CCDC30: variants seen among roughly 807,000 people sequenced by gnomAD.
CCDC30 encodes coiled-coil domain-containing protein 30.
A neutral mutation model predicts 100.2 loss-of-function variants in CCDC30; 70 were observed. The observed-to-expected ratio is 0.70, with a 90% CI of 0.58 to 0.85. The LOEUF is 0.85. Ranked by LOEUF, CCDC30 falls within the 40% of genes least tolerant of loss-of-function variation. CCDC30 has a pLI of 0.00. For missense variants in CCDC30, 652 were observed against 771.2 expected, an observed-to-expected ratio of 0.85 and a Z score of 1.83; for synonymous variants, 233 against 269.5, an observed-to-expected ratio of 0.86 and a Z score of 1.33.
chr1:42,556,471 C>A, intron 6 of CCDC30, 66 bp downstream of exon 10: 4 of 1,463,822 alleles, frequency 2.7e-6, no homozygotes, highest in Non-Finnish European at 3.7e-6. Flanking sequence ...ATATAAGCAT[C>A]ATTTTAAATA....
At chr1:42,497,197 A>G (rs1230257000) in exon 5 of CCDC30, 2 of 1,233,314 alleles carry the variant, frequency 1.6e-6, no homozygotes, top group Middle Eastern at 2.1e-4. Context: ...TCAGAAAAAA[A>G]GGTGCTTGGT....
intron 6 of CCDC30, among the ~76,000 whole-genome samples, chr1:42,539,854 C>T (rs947507503): frequency 1.8e-4 from 27 of 151,468 alleles, no homozygotes; most frequent in African/African-American, 6.6e-4. Flanking sequence ...CTGTAGTGTG[C>T]TGTGATTGTG....
intron 1 of CCDC30, among the ~76,000 whole-genome samples, chr1:42,479,416 A>G (rs1643922792): frequency 6.6e-6 from 1 of 152,152 alleles, no homozygotes; most frequent in Admixed American, 6.5e-5. Context: ...ATAGATCTAT[A>G]GATCAATGGA....
chr1:42,545,294 C>T, intron 6 of CCDC30, 116 bp from the exon 9 acceptor site: 1 of 728,642 alleles, frequency 1.4e-6, no homozygotes, highest in East Asian at 3.6e-5. Context: ...ATTAGGATGT[C>T]ATTTTATATT....
intron 4 of CCDC30, among the ~76,000 whole-genome samples, chr1:42,490,799 G>A (rs72952283): frequency 0.013 from 2,030 of 152,150 alleles, 44 homozygotes; most frequent in African/African-American, 0.047. Flanking sequence ...ATCAGAGCTG[G>A]TATTTGAATC....
exon 13 of CCDC30, chr1:42,642,499 T>G (rs1294100736): frequency 6.3e-7 from 1 of 1,594,888 alleles, no homozygotes; most frequent in African/African-American, 1.3e-5. Flanking sequence ...ACCAGATCAC[T>G]GCCCAAAATG....
At chr1:42,591,729 C>T (rs1646190256) in intron 10 of CCDC30, 1 of 152,332 alleles carries the variant, frequency 6.6e-6, no homozygotes, top group Admixed American at 6.5e-5. Flanking sequence ...GCCCTCCAGA[C>T]TCCAGAATGG....
At chr1:42,539,677 A>C (rs1181521163) in intron 6 of CCDC30, among the ~76,000 whole-genome samples, 1 of 152,156 alleles carries the variant, frequency 6.6e-6, no homozygotes, top group Non-Finnish European at 1.5e-5. Context: ...GATTTATTTA[A>C]ATGTCTTCAA....
At chr1:42,621,559 T>C (rs996672561) in intron 11 of CCDC30, among the ~76,000 whole-genome samples, 1 of 151,786 alleles carries the variant, frequency 6.6e-6, no homozygotes, top group Admixed American at 6.6e-5. Flanking sequence ...TGGTCTAGGC[T>C]GGAGTGCAGT....
intron 12 of CCDC30, 122 bp from the exon 17 acceptor site, chr1:42,642,350 TA>T (rs1457250213): frequency 7.9e-6 from 6 of 756,590 alleles, no homozygotes; most frequent in African/African-American, 3.6e-5. Context: ...AGAAACAGAC[TA>T]GGGGACAGGA....
intron 6 of CCDC30, among the ~76,000 whole-genome samples, chr1:42,545,186 A>AAAAAAT (rs760685126): frequency 0.031 from 3,894 of 125,908 alleles, 166 homozygotes; most frequent in Middle Eastern, 0.071. Flanking sequence ...AAAAAAAAAA[A>AAAAAAT]AAGGGAATTT....
rs138555229 is a variant in CCDC30 at position 42,514,715 on chromosome 1, G to A, written c.456+15799G>A. On this transcript the variant is annotated intron_variant, in intron 6 of 16. Coordinates refer to ENST00000668663, the Ensembl canonical transcript of CCDC30. The stretch of plus-strand genomic sequence containing the variant: ...GTCGCCCAGGCTGGAGTGCAATGGC[G>A]AGATCTCAGCTCACTGCAACCTCAG... Among the ~76,000 whole-genome samples, 420 of 152,202 alleles carry A rather than the reference G, an allele frequency of 2.8e-3. 6 individuals carry two copies. In the East Asian group the frequency reaches 0.029, roughly 10 times the overall value.
intron 7 of CCDC30, among the ~76,000 whole-genome samples, chr1:42,574,735 C>T (rs1645798655): frequency 6.6e-6 from 1 of 152,148 alleles, no homozygotes; most frequent in Non-Finnish European, 1.5e-5. Flanking sequence ...ATTTGAGATT[C>T]AGTTTTTTAT....
chr1:42,510,229 T>A, intron 6 of CCDC30: 1 of 604,262 alleles, frequency 1.7e-6, no homozygotes, highest in Non-Finnish European at 2.1e-6. Context: ...CTCTTTTCCT[T>A]TTGACCTACC....
upstream of CCDC30, among the ~76,000 whole-genome samples, chr1:42,461,520 G>A (rs1373580103): frequency 6.6e-6 from 1 of 151,652 alleles, no homozygotes; most frequent in Admixed American, 6.6e-5. Context: ...ATTTTTCATA[G>A]AGACAAGGTC....
At chr1:42,612,468 A>G (rs904393011) in intron 11 of CCDC30, among the ~76,000 whole-genome samples, 1 of 152,182 alleles carries the variant, frequency 6.6e-6, no homozygotes, top group Admixed American at 6.6e-5. Context: ...CAGATCAGGA[A>G]CCACTCATGT....
At chr1:42,626,321 C>T (rs1646933089) in intron 11 of CCDC30, among the ~76,000 whole-genome samples, 1 of 151,962 alleles carries the variant, frequency 6.6e-6, no homozygotes, top group Non-Finnish European at 1.5e-5. Flanking sequence ...CAGTCTATGT[C>T]TTTTGATTGG....
At position 42,556,507 on chromosome 1, in the gene CCDC30, T is replaced by A. The variant is rs982966700; in HGVS notation, c.457-9789T>A. The A allele has an allele frequency of 3.0e-6, 4 of 1,313,408 alleles. No individual in the cohort carries two copies. The African/African-American group carries it at 4.5e-5, about 15-fold the overall frequency. The allele number at this position is 1,313,408 out of a possible 1,614,324, so 81.4% of individuals were successfully genotyped here. On this transcript the variant is annotated intron_variant, in intron 6 of 16. Transcript: ENST00000668663. ...CCATCATTCATATATATGTTTTTTT[T>A]TATTTTTTTAGGTACATAGTAGATG... is the stretch of plus-strand genomic sequence containing the variant.
chr1:42,655,608 G>A (rs1220513245), downstream of CCDC30, among the ~76,000 whole-genome samples: 2 of 152,054 alleles, frequency 1.3e-5, no homozygotes, highest in East Asian at 3.8e-4. Context: ...AGCTTTTCCT[G>A]GGGGAGGGGG....
Sources: gnomAD v4.1 joint callset for allele counts (sites outside exome capture counted in the v4.1 genomes callset) on GRCh38, gnomAD v4.1.1 for gene constraint, MANE v1.5 for transcripts, NCBI Gene and HGNC (gene_info 2026-07-23, HGNC 2026-07-21) for gene names.